PCDHA4: variants seen among roughly 807,000 people sequenced by gnomAD.
PCDHA4 encodes protocadherin alpha 4, also known as protocadherin alpha-4.
Under a neutral mutation model 61.4 loss-of-function variants are expected in PCDHA4, and 49 were observed. That is an observed-to-expected ratio of 0.80 (90% CI 0.63 to 1.01). The LOEUF (loss-of-function observed/expected upper bound fraction) is 1.01. Among genes scored for constraint, PCDHA4 ranks in the 50% least tolerant of loss-of-function variants. The probability of loss-of-function intolerance (pLI) is 0.00; values close to 1 mark genes in which losing one functional copy is unlikely to be tolerated. For missense variants in PCDHA4, 1,254 were observed against 1,235.8 expected (o/e 1.01, Z -0.22); for synonymous variants, 590 against 550.3 (o/e 1.07, Z -1.01).
chr5:140,870,704 T>C (rs782770549), intron 1 of PCDHA4: 1 of 1,612,984 alleles, frequency 6.2e-7, no homozygotes, highest in Non-Finnish European at 8.5e-7. Flanking sequence ...CAGTTCCAGG[T>C]GAGCGCGCGC....
Position 141,010,263 on chromosome 5 carries a change from C to T in PCDHA4, c.*326C>T, listed in dbSNP as rs782479376. On this transcript the variant is annotated 3_prime_UTR_variant, in exon 4 of 4. Transcript: ENST00000530339. Reference sequence around the variant, plus strand: ...AGGTTGGACTCTCTGCCCTGTGCTCCGGGGATCCTGTCTTGATGACACTTG... The same window carrying T: ...AGGTTGGACTCTCTGCCCTGTGCTCTGGGGATCCTGTCTTGATGACACTTG... The T allele has an allele frequency of 8.4e-6, 13 of 1,551,608 alleles. No homozygotes were observed. Among genetic ancestry groups the T allele is most frequent in the African/African-American group, 5.5e-5 (4 of 73,018 alleles).
At chr5:140,919,716 A>G (rs1166757941) in intron 1 of PCDHA4, among the ~76,000 whole-genome samples, 1 of 152,214 alleles carries the variant, frequency 6.6e-6, no homozygotes, top group East Asian at 1.9e-4. Flanking sequence ...CTAGTGAGAT[A>G]TAAATATGTT....
At chr5:140,955,233 T>A (rs1554221819) in intron 1 of PCDHA4, among the ~76,000 whole-genome samples, 1 of 152,198 alleles carries the variant, frequency 6.6e-6, no homozygotes, top group African/African-American at 2.4e-5. Flanking sequence ...TTTGTTCTTT[T>A]GCTTAGGATC....
intron 1 of PCDHA4, among the ~76,000 whole-genome samples, chr5:140,924,166 T>C (rs1409712075): frequency 6.6e-6 from 1 of 152,232 alleles, no homozygotes; most frequent in African/African-American, 2.4e-5. Flanking sequence ...TCCTAATCTC[T>C]GGCACTGAAG....
intron 1 of PCDHA4, chr5:140,841,595 C>T (rs2150318765): frequency 2.5e-6 from 4 of 1,614,060 alleles, no homozygotes; most frequent in East Asian, 2.2e-5. Flanking sequence ...TCGGATCGAC[C>T]GCGAGGAGCT....
intron 3 of PCDHA4, among the ~76,000 whole-genome samples, chr5:140,994,387 C>T (rs192635308): frequency 1.3e-5 from 2 of 152,174 alleles, no homozygotes; most frequent in East Asian, 1.9e-4. Context: ...GGGACTAAGT[C>T]AGAGATTATT....
chr5:140,830,545 C>A, intron 1 of PCDHA4: 1 of 1,153,858 alleles, frequency 8.7e-7, no homozygotes, highest in Non-Finnish European at 1.2e-6. Flanking sequence ...TTGTTTTCCT[C>A]ATATTTGTCT....
intron 1 of PCDHA4, chr5:140,871,163 GC>G: frequency 6.2e-7 from 1 of 1,613,476 alleles, no homozygotes; most frequent in Non-Finnish European, 8.5e-7. Context: ...GGCGCCGCGA[GC>G]CCAGAGGCTG....
In PCDHA4 at chr5:140,844,771, C is replaced by A. The variant is rs1035379460; in HGVS notation, c.2385+35199C>A. 3.4e-5 allele frequency among the ~76,000 whole-genome samples: 5 copies of A among 149,070 alleles called. 1 individual carries two copies. Among genetic ancestry groups the A allele is most frequent in the African/African-American group, 7.4e-5 (3 of 40,720 alleles). On this transcript the variant is annotated intron_variant, in intron 1 of 3. Coordinates refer to ENST00000530339, the MANE Select transcript of PCDHA4 (RefSeq NM_018907.4). Reference sequence around the variant, plus strand: ...ATAAATCTTTGAAAAATCCAAGATACTTTATTTTGGTATCTTTCAACATTT... The same window carrying A: ...ATAAATCTTTGAAAAATCCAAGATAATTTATTTTGGTATCTTTCAACATTT...
intron 3 of PCDHA4, among the ~76,000 whole-genome samples, chr5:140,998,973 G>A (rs572810777): frequency 1.3e-5 from 2 of 152,352 alleles, no homozygotes; most frequent in African/African-American, 2.4e-5. Flanking sequence ...TAGTATCCTA[G>A]AAAATAGTAG....
Position 140,808,332 on chromosome 5 carries a change from A to G in PCDHA4, c.1145A>G (p.Asn382Ser). 6.2e-7 allele frequency: 1 copy of G among 1,614,248 alleles called. No individual in the cohort carries two copies. The highest frequency in any genetic ancestry group is 8.5e-7 in the Non-Finnish European group (1 of 1,180,042). Residue 382 changes from asparagine to serine, a missense_variant, in exon 1 of 4, where the codon AAT (asparagine) becomes AGT (serine). By Grantham distance (46) the Asn-to-Ser change is conservative (BLOSUM62 1). Transcript: ENST00000530339. ...GTGTCCGACAAAGACATGGGTGTCA[A>G]TGGGCTGGTCACCTGCTCCTTGACG... The part of the protein sequence containing the change: ...ISVSDKDMGV[N>S]GLVTCSLTSH...
At chr5:140,952,098 C>T (rs1337442909) in intron 1 of PCDHA4, among the ~76,000 whole-genome samples, 2 of 152,108 alleles carry the variant, frequency 1.3e-5, no homozygotes, top group African/African-American at 4.8e-5. Flanking sequence ...ACATCCAGGG[C>T]ACACTCGTGT....
chr5:140,885,122 T>A (rs191806335), intron 1 of PCDHA4, among the ~76,000 whole-genome samples: 1 of 152,332 alleles, frequency 6.6e-6, no homozygotes, highest in African/African-American at 2.4e-5. Context: ...AGTGCACTTT[T>A]CTTTCTTTCT....
intron 1 of PCDHA4, among the ~76,000 whole-genome samples, chr5:140,941,595 A>T (rs1273931279): frequency 6.6e-6 from 1 of 152,016 alleles, no homozygotes; most frequent in African/African-American, 2.4e-5. Context: ...GATTACAGCC[A>T]TGAGCCATGG....
Position 140,974,189 on chromosome 5 carries a change from G to T in PCDHA4, c.2386-4760G>T, listed in dbSNP as rs146863475. On this transcript the variant is annotated intron_variant, in intron 1 of 3. Transcript: ENST00000530339. ...AGAATTTTAACTTGACAAATGCAAA[G>T]GAATATCCAACATTGCAAAGGTAAA... Among the ~76,000 whole-genome samples the T allele has an allele frequency of 7.6e-3, 1,163 of 152,258 alleles. 4 individuals carry two copies. The highest frequency in any genetic ancestry group is 0.014 in the Middle Eastern group (4 of 294).
chr5:140,913,082 C>G (rs2076197049), intron 1 of PCDHA4, among the ~76,000 whole-genome samples: 1 of 152,108 alleles, frequency 6.6e-6, no homozygotes, highest in African/African-American at 2.4e-5. Context: ...TGTTTGGTAT[C>G]AGGATAATAC....
chr5:140,967,769 G>A (rs1213232834), intron 1 of PCDHA4: 1 of 1,614,104 alleles, frequency 6.2e-7, no homozygotes, highest in Non-Finnish European at 8.5e-7. Flanking sequence ...CCAGATCTAT[G>A]TGCAGGCGAC....
At chr5:140,942,754 A>C (rs1157116096) in intron 1 of PCDHA4, among the ~76,000 whole-genome samples, 1 of 152,212 alleles carries the variant, frequency 6.6e-6, no homozygotes, top group African/African-American at 2.4e-5. Context: ...TGTATAAATG[A>C]GATGGCATAA....
chr5:140,854,159 CAAA>C (rs59855104), intron 1 of PCDHA4: 332 of 340,956 alleles, frequency 9.7e-4, no homozygotes, highest in Non-Finnish European at 1.1e-3. Context: ...GATTCTGTCT[CAAA>C]AAAAAAAAAA....
Sources: gnomAD v4.1 joint callset for allele counts (sites outside exome capture counted in the v4.1 genomes callset) on GRCh38, gnomAD v4.1.1 for gene constraint, MANE v1.5 for transcripts, NCBI Gene and HGNC (gene_info 2026-07-23, HGNC 2026-07-21) for gene names.